The following ZDHHC14 variants were observed in gnomAD, a reference collection of about 807,000 sequenced individuals.
The protein encoded by ZDHHC14 is zDHHC palmitoyltransferase 14.
A neutral mutation model predicts 47.7 loss-of-function variants in ZDHHC14; 16 were observed. The ratio of observed to expected loss-of-function variants is 0.34; its 90% CI spans 0.23 to 0.51. The LOEUF is 0.51. Among genes scored for constraint, ZDHHC14 ranks in the 20% least tolerant of loss-of-function variants. The pLI is 0.97. For missense variants in ZDHHC14, 515 were observed against 662.5 expected (o/e 0.78, Z 2.44); for synonymous variants, 293 against 278.9 (o/e 1.05, Z -0.50).
chr6:157,621,980 A>G (rs1031036372), intron 3 of ZDHHC14, among the ~76,000 whole-genome samples: 20 of 152,156 alleles, frequency 1.3e-4, no homozygotes, highest in Non-Finnish European at 2.5e-4. Flanking sequence ...GCTGTCAGAT[A>G]TGGATTATAG....
At chr6:157,555,339 A>G (rs1304997839) in intron 2 of ZDHHC14, among the ~76,000 whole-genome samples, 1 of 151,816 alleles carries the variant, frequency 6.6e-6, no homozygotes, top group Non-Finnish European at 1.5e-5. Context: ...AGGCTGCCTG[A>G]CCCCCCAGGC....
chr6:157,422,503 G>A (rs763527916), intron 1 of ZDHHC14, among the ~76,000 whole-genome samples: 31 of 152,072 alleles, frequency 2.0e-4, no homozygotes, highest in African/African-American at 5.1e-4. Flanking sequence ...GCGTTACCCC[G>A]GGAAGCAATC....
At chr6:157,492,215 C>G (rs145867168) in intron 1 of ZDHHC14, among the ~76,000 whole-genome samples, 1 of 148,316 alleles carries the variant, frequency 6.7e-6, no homozygotes, top group Non-Finnish European at 1.5e-5. Context: ...CGCCCCCCAG[C>G]CACTGTAGTC....
At chr6:157,396,732 CT>C (rs927589554) in intron 1 of ZDHHC14, among the ~76,000 whole-genome samples, 33 of 152,164 alleles carry the variant, frequency 2.2e-4, no homozygotes, top group African/African-American at 7.5e-4. Flanking sequence ...GAGGTATGCT[CT>C]TGTCTTCTTA....
chr6:157,626,832 T>C (rs773958007), intron 3 of ZDHHC14, among the ~76,000 whole-genome samples: 1 of 149,660 alleles, frequency 6.7e-6, no homozygotes, highest in Non-Finnish European at 1.5e-5. Flanking sequence ...CCGATACACC[T>C]GTGCAGCCCT....
chr6:157,536,370 C>CT (rs972026748), intron 1 of ZDHHC14, among the ~76,000 whole-genome samples: 2 of 152,130 alleles, frequency 1.3e-5, no homozygotes, highest in Non-Finnish European at 2.9e-5. Flanking sequence ...TATTAACAAA[C>CT]TTTTTTTATG....
chr6:157,664,746 T>A (rs546112447), intron 8 of ZDHHC14, among the ~76,000 whole-genome samples: 2 of 152,188 alleles, frequency 1.3e-5, no homozygotes, highest in Non-Finnish European at 2.9e-5. Flanking sequence ...ATGCACTACT[T>A]TTCTCAACCT....
intron 1 of ZDHHC14, among the ~76,000 whole-genome samples, chr6:157,536,080 AT>A (rs926852432): frequency 6.6e-6 from 1 of 152,166 alleles, no homozygotes; most frequent in Non-Finnish European, 1.5e-5. Context: ...TTCATTTATG[AT>A]TGTTTGCCTT....
intron 5 of ZDHHC14, among the ~76,000 whole-genome samples, chr6:157,641,990 A>T (rs954107101): frequency 1.3e-5 from 2 of 152,118 alleles, no homozygotes; most frequent in African/African-American, 4.8e-5. Flanking sequence ...AAAAATTATT[A>T]AGGACCGCCA....
In ZDHHC14 at chr6:157,513,992, C is replaced by T. The variant is rs144264548; in HGVS notation, c.246-28593C>T. Among the ~76,000 whole-genome samples, 562 of 152,186 alleles carry T rather than the reference C, an allele frequency of 3.7e-3. 1 individual carries two copies. Among genetic ancestry groups the T allele is most frequent in the African/African-American group, 0.013 (532 of 41,530 alleles). On this transcript the variant is annotated intron_variant, in intron 1 of 8. Transcript: ENST00000359775. ...AGACCCTGGTCCCAGGCTCTTCCCA[C>T]TGTGACACGCCATCCACATCCTTTC...
chr6:157,430,688 G>A (rs1421779737), intron 1 of ZDHHC14, among the ~76,000 whole-genome samples: 1 of 152,242 alleles, frequency 6.6e-6, no homozygotes, highest in Non-Finnish European at 1.5e-5. Flanking sequence ...TCTGCAACGT[G>A]AATTCCCCTT....
intron 1 of ZDHHC14, among the ~76,000 whole-genome samples, chr6:157,447,660 C>T (rs1051042600): frequency 1.3e-5 from 2 of 152,136 alleles, no homozygotes; most frequent in African/African-American, 2.4e-5. Flanking sequence ...TATCCTGAAT[C>T]GGAAGTTGTC....
chr6:157,440,472 T>C (rs1778539810), intron 1 of ZDHHC14, among the ~76,000 whole-genome samples: 1 of 152,176 alleles, frequency 6.6e-6, no homozygotes, highest in South Asian at 2.1e-4. Context: ...TGTAAAATAT[T>C]GCAGCCACTG....
chr6:157,628,302 T>G, intron 3 of ZDHHC14, 47 bp from the exon 4 acceptor site: 1 of 1,573,422 alleles, frequency 6.4e-7, no homozygotes, highest in Non-Finnish European at 8.5e-7. Flanking sequence ...AAAAGACATT[T>G]TATTAATTGA....
chr6:157,518,038 T>TG (rs201061678), intron 1 of ZDHHC14, among the ~76,000 whole-genome samples: 1,658 of 152,078 alleles, frequency 0.011, 19 homozygotes, highest in Non-Finnish European at 0.018. Flanking sequence ...TGGAGGAGGG[T>TG]GGGGGGCTGG....
chr6:157,541,316 G>A (rs1417866020), intron 1 of ZDHHC14, among the ~76,000 whole-genome samples: 1 of 152,182 alleles, frequency 6.6e-6, no homozygotes, highest in Admixed American at 6.5e-5. Context: ...TCTATCACTT[G>A]TCTCAGCAAA....
At chr6:157,390,232 T>C (rs1285485830) in intron 1 of ZDHHC14, among the ~76,000 whole-genome samples, 2 of 152,208 alleles carry the variant, frequency 1.3e-5, no homozygotes, top group Non-Finnish European at 2.9e-5. Flanking sequence ...CCCATGGTCT[T>C]CTGATCTGTT....
At chr6:157,506,088 G>T (rs980391070) in intron 1 of ZDHHC14, among the ~76,000 whole-genome samples, 1 of 152,162 alleles carries the variant, frequency 6.6e-6, no homozygotes, top group Admixed American at 6.5e-5. Context: ...GTGGTTAAAG[G>T]CTTTTCCCAC....
intron 3 of ZDHHC14, among the ~76,000 whole-genome samples, 172 bp from the exon 4 acceptor site, chr6:157,628,177 G>A (rs936446257): frequency 6.9e-6 from 1 of 144,664 alleles, no homozygotes; most frequent in Non-Finnish European, 1.5e-5. Flanking sequence ...CGATGTCCTT[G>A]AACTGTCTTG....
Sources: allele counts gnomAD v4.1 joint callset (sites outside exome capture counted in the v4.1 genomes callset), GRCh38; gene constraint gnomAD v4.1.1; transcripts MANE v1.5; gene names NCBI Gene and HGNC (gene_info 2026-07-23, HGNC 2026-07-21).